DOK4: variants seen among roughly 807,000 people sequenced by gnomAD.
The protein encoded by DOK4 is docking protein 4.
DOK4 carries 26 observed loss-of-function variants against 40.1 expected under a neutral mutation model. The ratio of observed to expected loss-of-function variants is 0.65; its 90% CI spans 0.48 to 0.90. The LOEUF (loss-of-function observed/expected upper bound fraction) is 0.90, where lower values mean the gene tolerates loss of function less well. Among genes scored for constraint, DOK4 ranks in the 40% least tolerant of loss-of-function variants. The probability of loss-of-function intolerance (pLI) is 0.00; values close to 1 mark genes in which losing one functional copy is unlikely to be tolerated. For missense variants in DOK4, 392 were observed against 437.2 expected, an observed-to-expected ratio of 0.90 and a Z score of 0.92; for synonymous variants, 179 against 177.0, an observed-to-expected ratio of 1.01 and a Z score of -0.09.
At chr16:57,482,343 T>A (rs1188687594) in intron 1 of DOK4, among the ~76,000 whole-genome samples, 1 of 150,776 alleles carries the variant, frequency 6.6e-6, no homozygotes, top group East Asian at 2.0e-4. Flanking sequence ...TAAAAACTTG[T>A]TTGTAGAGAT....
Position 57,474,053 on chromosome 16 carries a change from A to G in DOK4, c.600-14T>C, listed in dbSNP as rs763087618. 1.2e-6 allele frequency: 2 copies of G among 1,613,654 alleles called. No individual in the cohort carries two copies. The highest frequency in any genetic ancestry group is 1.7e-5 in the Admixed American group (1 of 59,976). Reference sequence around the variant, plus strand: ...GCATCACACATCCTGGGGACACAGCACAGAGGGCAAGATGGTGGGGACCCA... The same window carrying G: ...GCATCACACATCCTGGGGACACAGCGCAGAGGGCAAGATGGTGGGGACCCA... On this transcript the variant is annotated splice_polypyrimidine_tract_variant and intron_variant, in intron 6 of 8. Transcript: ENST00000340099.
intron 1 of DOK4, chr16:57,481,557 A>AG (rs1206130146): frequency 6.6e-6 from 1 of 152,240 alleles, no homozygotes; most frequent in African/African-American, 2.4e-5. Context: ...GGACCAGCTC[A>AG]GGAGTTCCTC....
rs79278904 is a variant in DOK4 at position 57,477,877 on chromosome 16, G to C, written c.66+1565C>G. On this transcript the variant is annotated intron_variant, in intron 2 of 8. Coordinates refer to ENST00000340099, the Ensembl canonical transcript of DOK4. ...GGCTTCAGAGGGAAGAGAATTCCCTGCATGGATAGGGCCTGGCTATGCCCC... is the reference window on the plus strand; with the variant it reads ...GGCTTCAGAGGGAAGAGAATTCCCTCCATGGATAGGGCCTGGCTATGCCCC... 1.2e-3 allele frequency among the ~76,000 whole-genome samples: 186 copies of C among 152,300 alleles called. 1 individual carries two copies. Among genetic ancestry groups the C allele is most frequent in the African/African-American group, 4.4e-3 (181 of 41,562 alleles).
intron 1 of DOK4, among the ~76,000 whole-genome samples, chr16:57,483,456 C>G (rs113827634): frequency 0.013 from 1,973 of 152,060 alleles, 44 homozygotes; most frequent in African/African-American, 0.044. Context: ...CATAGAGAGA[C>G]CCCGTCTCTA....
At position 57,479,717 on chromosome 16, in the gene DOK4, A is replaced by C. The variant is rs1364973259; in HGVS notation, c.-181-29T>G. The C allele has an allele frequency of 3.1e-5, 16 of 516,346 alleles. No individual in the cohort carries two copies. Among genetic ancestry groups the C allele is most frequent in the African/African-American group, 2.3e-4 (12 of 51,094 alleles). 32.0% of individuals were successfully genotyped at this position (516,346 alleles called of 1,614,324 possible). ...GAAATAAAAATGACAGGGAGATTAG[A>C]GACAGTGACATCTTTCTCTTCCTCT... On this transcript the variant is annotated intron_variant, in intron 1 of 8. Transcript: ENST00000340099. This position sits in a 1 kb window ranked among gnomAD's most constrained non-coding sequence, Gnocchi z 5.8.
chr16:57,481,255 C>T (rs2031399309), intron 1 of DOK4, among the ~76,000 whole-genome samples: 3 of 152,156 alleles, frequency 2.0e-5, no homozygotes, highest in African/African-American at 7.2e-5. Flanking sequence ...TGGGCACACG[C>T]AAACAAGGGA....
exon 9 of DOK4, chr16:57,473,021 CA>C: frequency 4.3e-6 from 1 of 233,992 alleles, no homozygotes; most frequent in South Asian, 8.1e-5. Flanking sequence ...CACTCATACT[CA>C]AAAACAGCCT....
chr16:57,473,921 CCAG>C (rs774995613), exon 7 of DOK4: 5 of 1,517,768 alleles, frequency 3.3e-6, no homozygotes, highest in Non-Finnish European at 4.5e-6. Flanking sequence ...TTCTCCATTT[CCAG>C]CAGGACCCGC....
At chr16:57,475,102 G>A in exon 5 of DOK4, 1 of 1,613,254 alleles carries the variant, frequency 6.2e-7, no homozygotes, top group South Asian at 1.1e-5. Context: ...GGCCTCACCT[G>A]TCTGTTCACA....
intron 1 of DOK4, among the ~76,000 whole-genome samples, chr16:57,482,852 T>G (rs1391832279): frequency 6.6e-6 from 1 of 152,084 alleles, no homozygotes; most frequent in African/African-American, 2.4e-5. Context: ...TCTTCAAGAG[T>G]TGCTGCCCAG....
upstream of DOK4, among the ~76,000 whole-genome samples, chr16:57,486,844 C>T (rs2031556775): frequency 6.6e-6 from 1 of 152,134 alleles, no homozygotes; most frequent in Non-Finnish European, 1.5e-5. Context: ...TCAGGAATCA[C>T]ATACACACCC....
exon 3 of DOK4, chr16:57,475,922 G>T: frequency 6.2e-7 from 1 of 1,613,598 alleles, no homozygotes; most frequent in East Asian, 2.2e-5. Context: ...CCTTGCTGGA[G>T]GATTTCCGGA....
intron 2 of DOK4, 127 bp from the exon 3 acceptor site, chr16:57,476,084 G>A: frequency 1.3e-6 from 1 of 743,066 alleles, no homozygotes; most frequent in Non-Finnish European, 2.2e-6. Flanking sequence ...CCCCAGCCTG[G>A]GGACACCGGG....
At chr16:57,472,125 C>T (rs2030875502) in exon 9 of DOK4, 1 of 152,574 alleles carries the variant, frequency 6.6e-6, no homozygotes, top group African/African-American at 2.4e-5. Flanking sequence ...TGGTCATTCC[C>T]CGGGTCACGT....
At chr16:57,477,712 C>T (rs1248472264) in intron 2 of DOK4, among the ~76,000 whole-genome samples, 1 of 152,178 alleles carries the variant, frequency 6.6e-6, no homozygotes, top group Non-Finnish European at 1.5e-5. Flanking sequence ...ACAGCTCTGC[C>T]GCGGGAGAAA....
In DOK4 at chr16:57,479,414, G is replaced by A. The variant is rs777969373; in HGVS notation, c.66+28C>T. On this transcript the variant is annotated intron_variant, in intron 2 of 8. Transcript: ENST00000340099. This position sits in a 1 kb window ranked among gnomAD's most constrained non-coding sequence, Gnocchi z 5.8. Reference sequence around the variant, plus strand: ...TCCTCGGGCCCCCATCCCTTGGCAGGGCCCCTCCGCAGCTCAGGGTCACTC... The same window carrying A: ...TCCTCGGGCCCCCATCCCTTGGCAGAGCCCCTCCGCAGCTCAGGGTCACTC... 5 of 1,611,288 alleles carry A rather than the reference G, an allele frequency of 3.1e-6. No homozygotes were observed. The African/African-American group carries it at 4.0e-5, about 13-fold the overall frequency.
intron 1 of DOK4, among the ~76,000 whole-genome samples, chr16:57,483,757 T>G (rs1248294104): frequency 6.6e-6 from 1 of 152,190 alleles, no homozygotes; most frequent in Non-Finnish European, 1.5e-5. Flanking sequence ...CCAACAGGCC[T>G]GCAGCAGGAA....
chr16:57,473,622 T>C (rs2030985784), exon 8 of DOK4: 12 of 1,614,246 alleles, frequency 7.4e-6, no homozygotes, highest in Non-Finnish European at 1.0e-5. Context: ...CCAGCATAGC[T>C]GGAGGCTTCG....
intron 1 of DOK4, among the ~76,000 whole-genome samples, chr16:57,482,993 G>C (rs1207135514): frequency 1.3e-5 from 2 of 152,166 alleles, no homozygotes; most frequent in Admixed American, 1.3e-4. Flanking sequence ...CCATACCCCA[G>C]GTCCCCAGCG....
Sources: allele counts gnomAD v4.1 joint callset (sites outside exome capture counted in the v4.1 genomes callset), GRCh38; gene constraint gnomAD v4.1.1; non-coding constraint Gnocchi (gnomAD v3.1); transcripts MANE v1.5; gene names NCBI Gene and HGNC (gene_info 2026-07-23, HGNC 2026-07-21).